Variants in MAD1L1 observed in about 807,000 individuals in gnomAD.
MAD1L1 encodes the protein mitotic arrest deficient 1 like 1.
MAD1L1 carries 95 observed loss-of-function variants against 96.9 expected under a neutral mutation model. The observed-to-expected ratio is 0.98, with a 90% confidence interval of 0.83 to 1.16. The LOEUF (loss-of-function observed/expected upper bound fraction) is 1.16. Among genes scored for constraint, MAD1L1 ranks in the 50% most tolerant of loss-of-function variants. MAD1L1 has a pLI of 0.00. For synonymous variants in MAD1L1, 473 were observed against 396.6 expected, an observed-to-expected ratio of 1.19 and a Z score of -2.29; for missense variants, 1,007 against 954.4, an observed-to-expected ratio of 1.06 and a Z score of -0.73.
At position 2,149,252 on chromosome 7, in the gene MAD1L1, A is replaced by G; in HGVS notation, c.987-14T>C. On this transcript the variant is annotated splice_polypyrimidine_tract_variant and intron_variant, in intron 10 of 18. Transcript: ENST00000265854. ...TCTTCTGGAGTCCTGCAGGATAAAC[A>G]AGGCACACTCAGTTCCAGCTGTCCC... 1 of 1,605,234 alleles carries G rather than the reference A, an allele frequency of 6.2e-7. No homozygotes were observed. Among genetic ancestry groups the G allele is most frequent in the East Asian group, 2.2e-5 (1 of 44,812 alleles).
chr7:2,028,169 T>C (rs892175914), intron 12 of MAD1L1, among the ~76,000 whole-genome samples: 1 of 152,106 alleles, frequency 6.6e-6, no homozygotes, highest in South Asian at 2.1e-4. Flanking sequence ...CTCACGCCTG[T>C]AATCCCAGCA....
chr7:1,945,153 G>C (rs1327695866), intron 16 of MAD1L1, among the ~76,000 whole-genome samples: 2 of 152,212 alleles, frequency 1.3e-5, no homozygotes, highest in African/African-American at 4.8e-5. Context: ...GCTCAGCAGG[G>C]GCCCAGCAGA....
chr7:2,050,757 C>T (rs961020159), intron 12 of MAD1L1, among the ~76,000 whole-genome samples: 12 of 152,292 alleles, frequency 7.9e-5, no homozygotes, highest in African/African-American at 2.9e-4. Context: ...CAGTCCTCAG[C>T]AGGCCCACCC....
intron 12 of MAD1L1, among the ~76,000 whole-genome samples, chr7:2,019,057 C>G (rs1216311448): frequency 6.6e-6 from 1 of 152,204 alleles, no homozygotes; most frequent in African/African-American, 2.4e-5. Flanking sequence ...GGAGCCACCA[C>G]AAGAAACTGA....
chr7:2,065,797 G>A (rs1344940110), intron 12 of MAD1L1, among the ~76,000 whole-genome samples: 1 of 152,214 alleles, frequency 6.6e-6, no homozygotes, highest in African/African-American at 2.4e-5. Context: ...CTGATCTGCT[G>A]TGAGACAGGG....
At chr7:1,964,930 G>T (rs535714155) in intron 15 of MAD1L1, among the ~76,000 whole-genome samples, 371 of 152,356 alleles carry the variant, frequency 2.4e-3, no homozygotes, top group Non-Finnish European at 3.8e-3. Flanking sequence ...CCAACGGGCA[G>T]ACAGCATCCA....
chr7:2,038,533 C>G (rs1044188289), intron 12 of MAD1L1, among the ~76,000 whole-genome samples: 29 of 89,696 alleles, frequency 3.2e-4, no homozygotes, highest in African/African-American at 9.4e-4. Context: ...TTTTGAGACA[C>G]AGTCTCACTC....
intron 12 of MAD1L1, among the ~76,000 whole-genome samples, chr7:2,029,011 G>A (rs752313780): frequency 1.1e-4 from 16 of 152,226 alleles, no homozygotes; most frequent in South Asian, 6.2e-4. Flanking sequence ...GGAGGGTGGC[G>A]AAGCTTTCTT....
chr7:2,015,516 G>A (rs1167672569), intron 12 of MAD1L1, among the ~76,000 whole-genome samples: 2 of 152,216 alleles, frequency 1.3e-5, no homozygotes, highest in African/African-American at 4.8e-5. Context: ...GTCGGGAACT[G>A]AGCTGCCAAG....
Position 2,103,824 on chromosome 7 carries a change from C to G in MAD1L1, c.1074-34486G>C, listed in dbSNP as rs1390099190. 4.6e-5 allele frequency among the ~76,000 whole-genome samples: 7 copies of G among 152,316 alleles called. No homozygotes were observed. Among genetic ancestry groups the G allele is most frequent in the Non-Finnish European group, 1.0e-4 (7 of 68,028 alleles). On this transcript the variant is annotated intron_variant, in intron 11 of 18. Transcript: ENST00000265854. The surrounding 1 kb of genome is among the most constrained non-coding windows in gnomAD (Gnocchi z 4.3). Reference sequence around the variant, plus strand: ...ATCCCCAGGCAGAGGGACAGTCTCACAGGTGGTGTCCGGACTCTGGAGATG... The same window carrying G: ...ATCCCCAGGCAGAGGGACAGTCTCAGAGGTGGTGTCCGGACTCTGGAGATG...
intron 12 of MAD1L1, among the ~76,000 whole-genome samples, chr7:2,065,736 C>T (rs1562653268): frequency 6.6e-6 from 1 of 152,194 alleles, no homozygotes; most frequent in Non-Finnish European, 1.5e-5. Flanking sequence ...AGTCCGACGC[C>T]GCTGGACACC....
At chr7:2,122,867 G>A (rs948419760) in intron 11 of MAD1L1, among the ~76,000 whole-genome samples, 1 of 152,232 alleles carries the variant, frequency 6.6e-6, no homozygotes, top group Non-Finnish European at 1.5e-5. Context: ...GCGTCAGTGT[G>A]GGTGGTGACG....
rs182833807 is a variant in MAD1L1 at position 2,062,333 on chromosome 7, T to C, written c.1218+6861A>G. 5.0e-3 allele frequency among the ~76,000 whole-genome samples: 731 copies of C among 147,488 alleles called. 1 individual carries two copies. The highest frequency in any genetic ancestry group is 0.017 in the South Asian group (77 of 4,638). On this transcript the variant is annotated intron_variant, in intron 12 of 18. Transcript: ENST00000265854. ...CGCCTGTAATCCCAGCACTTTGGGA[T>C]TGGGAGGCCGAAGTAGGGGGATCAC...
rs547687761 is a variant in MAD1L1 at position 1,968,263 on chromosome 7, C to A, written c.1506-10544G>T. ...CGGTCAGGTCCACCGTCAACACCAG[C>A]GGTCTTGTCCACATCAACGCCTCAG... On this transcript the variant is annotated intron_variant, in intron 15 of 18. Coordinates refer to ENST00000265854, the MANE Select transcript of MAD1L1 (RefSeq NM_001013836.2). This position sits in a 1 kb window ranked among gnomAD's most constrained non-coding sequence, Gnocchi z 5.6. 6.6e-6 allele frequency among the ~76,000 whole-genome samples: 1 copy of A among 151,282 alleles called. No homozygotes were observed. The highest frequency in any genetic ancestry group is 1.5e-5 in the Non-Finnish European group (1 of 67,806).
rs1351043544 is a variant in MAD1L1 at position 1,868,563 on chromosome 7, G to A, written c.1998+29637C>T. 2.7e-5 allele frequency among the ~76,000 whole-genome samples: 4 copies of A among 149,322 alleles called. No homozygotes were observed. In the Admixed American group the frequency reaches 2.7e-4, roughly 10 times the overall value. ...AGGGAGCTCCTGGAGGTCCCTCCAGGGATGGAGCATCATCCTGGGGTCCTG... is the reference window on the plus strand; with the variant it reads ...AGGGAGCTCCTGGAGGTCCCTCCAGAGATGGAGCATCATCCTGGGGTCCTG... On this transcript the variant is annotated intron_variant, in intron 18 of 18. Transcript: ENST00000265854.
At chr7:1,937,030 T>C in intron 16 of MAD1L1, 133 bp from the exon 17 acceptor site, 3 of 719,396 alleles carry the variant, frequency 4.2e-6, no homozygotes, top group Non-Finnish European at 6.8e-6. Flanking sequence ...TCAGTTCTTT[T>C]GTCTTCTTGA....
rs377627219 is a variant in MAD1L1 at position 1,898,230 on chromosome 7, G to C, written c.1968C>G (p.Ala656=). The change falls in exon 18 of 19, where the codon GCC becomes GCG. Residue 656 remains alanine, a synonymous_variant. Transcript: ENST00000265854. ...ENQYRLTSLY[A]EHPGDCLIFK... is the part of the protein sequence containing the mutation. Reference sequence around the variant, plus strand: ...AGATGAGGCAGTCGCCTGGGTGCTCGGCGTACAGCGAGGTCAGCCGGTACT... The same window carrying C: ...AGATGAGGCAGTCGCCTGGGTGCTCCGCGTACAGCGAGGTCAGCCGGTACT... 1 of 1,613,222 alleles carries C rather than the reference G, an allele frequency of 6.2e-7. No homozygotes were observed. The highest frequency in any genetic ancestry group is 1.1e-5 in the South Asian group (1 of 90,908).
At chr7:2,010,227 T>A (rs1465730421) in intron 13 of MAD1L1, among the ~76,000 whole-genome samples, 1 of 151,912 alleles carries the variant, frequency 6.6e-6, no homozygotes, top group East Asian at 1.9e-4. Flanking sequence ...CCAGCCCTCC[T>A]GGAGCCAAAC....
chr7:1,928,782 G>A (rs932400523), intron 17 of MAD1L1, among the ~76,000 whole-genome samples: 1 of 152,190 alleles, frequency 6.6e-6, no homozygotes, highest in African/African-American at 2.4e-5. Context: ...CCTGTGCCAC[G>A]TGAGAGCTGG....
Sources: allele counts gnomAD v4.1 joint callset (sites outside exome capture counted in the v4.1 genomes callset), GRCh38; gene constraint gnomAD v4.1.1; non-coding constraint Gnocchi (gnomAD v3.1); transcripts MANE v1.5; gene names NCBI Gene and HGNC (gene_info 2026-07-23, HGNC 2026-07-21).